Variants in KIAA1217 observed in about 807,000 individuals in gnomAD.
The protein encoded by KIAA1217 is sickle tail protein homolog.
In KIAA1217, 88 loss-of-function variants were observed where a neutral mutation model predicts 163.9. The observed-to-expected ratio is 0.54, with a 90% CI of 0.45 to 0.64. The LOEUF (loss-of-function observed/expected upper bound fraction) is 0.64. Among genes scored for constraint, KIAA1217 ranks in the 30% least tolerant of loss-of-function variants. The probability of loss-of-function intolerance (pLI) is 0.00; values close to 1 mark genes in which losing one functional copy is unlikely to be tolerated. For synonymous variants in KIAA1217, 903 were observed against 923.1 expected (o/e 0.98, Z 0.39); for missense variants, 2,372 against 2,475.0 (o/e 0.96, Z 0.88).
At chr10:24,409,550 A>G (rs528964268) in intron 3 of KIAA1217, among the ~76,000 whole-genome samples, 5 of 152,242 alleles carry the variant, frequency 3.3e-5, no homozygotes, top group Non-Finnish European at 7.3e-5. Flanking sequence ...ATATCCATAT[A>G]TCAAAACTTA....
At chr10:23,874,407 T>G (rs1265096018) in intron 1 of KIAA1217, among the ~76,000 whole-genome samples, 1 of 152,070 alleles carries the variant, frequency 6.6e-6, no homozygotes, top group African/African-American at 2.4e-5. Flanking sequence ...GAATGCTGGC[T>G]CTGCAACTAG....
chr10:24,141,061 T>G (rs1371326202), intron 2 of KIAA1217, among the ~76,000 whole-genome samples: 1 of 152,162 alleles, frequency 6.6e-6, no homozygotes, highest in Admixed American at 6.5e-5. Flanking sequence ...AGACTACAAT[T>G]CAAACTACCA....
chr10:24,088,532 G>A (rs1343420792), intron 2 of KIAA1217, among the ~76,000 whole-genome samples: 1 of 109,392 alleles, frequency 9.1e-6, no homozygotes, highest in Admixed American at 9.9e-5. Flanking sequence ...ACCTATGACT[G>A]AGAACATGCG....
At chr10:24,167,672 T>C (rs1478379713) in intron 2 of KIAA1217, among the ~76,000 whole-genome samples, 1 of 152,174 alleles carries the variant, frequency 6.6e-6, no homozygotes, top group African/African-American at 2.4e-5. Context: ...CAAAACTCTT[T>C]CCTCACTGAC....
chr10:24,193,113 C>T (rs1047443293), intron 2 of KIAA1217, among the ~76,000 whole-genome samples: 1 of 152,114 alleles, frequency 6.6e-6, no homozygotes, highest in Non-Finnish European at 1.5e-5. Context: ...GAGACGGGGT[C>T]TTGCTATGTT....
chr10:23,789,059 T>C (rs1369240096), intron 1 of KIAA1217, among the ~76,000 whole-genome samples: 1 of 152,236 alleles, frequency 6.6e-6, no homozygotes, highest in African/African-American at 2.4e-5. Flanking sequence ...TAATTCTTAA[T>C]AAAATTTGAG....
intron 1 of KIAA1217, among the ~76,000 whole-genome samples, chr10:23,924,263 C>T (rs4399236): frequency 6.6e-6 from 1 of 150,634 alleles, no homozygotes; most frequent in East Asian, 1.9e-4. Context: ...AGATAACTGT[C>T]TTTACTTTTT....
intron 2 of KIAA1217, among the ~76,000 whole-genome samples, chr10:24,331,483 G>T (rs2045661500): frequency 6.6e-6 from 1 of 152,218 alleles, no homozygotes; most frequent in Non-Finnish European, 1.5e-5. Flanking sequence ...GAAGTCACAA[G>T]AATCTAGCAG....
chr10:24,099,463 C>T (rs1185666510), intron 2 of KIAA1217, among the ~76,000 whole-genome samples: 1 of 150,068 alleles, frequency 6.7e-6, no homozygotes, highest in Non-Finnish European at 1.5e-5. Flanking sequence ...TGATAGTTTG[C>T]TCAGAATGAT....
chr10:24,085,437 G>T lies in KIAA1217; in HGVS notation c.-171+78063G>T, dbSNP rs147456338. ...TTCAGGAGATGTGAAACCCAGTCAA[G>T]ACCATTTGTCTTGCCTTCTGGTCTT... is the stretch of plus-strand genomic sequence containing the variant. On this transcript the variant is annotated intron_variant, in intron 2 of 18. Transcript: ENST00000376462. Among the ~76,000 whole-genome samples, 30 of 152,218 alleles carry T rather than the reference G, an allele frequency of 2.0e-4. 1 individual carries two copies. In the South Asian group the frequency reaches 5.8e-3, roughly 29 times the overall value.
intron 1 of KIAA1217, among the ~76,000 whole-genome samples, chr10:23,808,774 G>T: frequency 6.6e-6 from 1 of 152,078 alleles, no homozygotes; most frequent in Non-Finnish European, 1.5e-5. Flanking sequence ...AGTGAAAATG[G>T]TGAGAATATT....
At chr10:24,284,052 G>C (rs1488339673) in intron 2 of KIAA1217, among the ~76,000 whole-genome samples, 1 of 151,976 alleles carries the variant, frequency 6.6e-6, no homozygotes, top group Non-Finnish European at 1.5e-5. Context: ...AGGAACTATA[G>C]GCACAGGTGA....
At chr10:23,757,925 C>G (rs980255342) in intron 1 of KIAA1217, among the ~76,000 whole-genome samples, 1 of 152,166 alleles carries the variant, frequency 6.6e-6, no homozygotes, top group Non-Finnish European at 1.5e-5. Flanking sequence ...TATTGCGTTT[C>G]AGAAGTCTTC....
chr10:23,904,627 C>A (rs1185615661), intron 1 of KIAA1217, among the ~76,000 whole-genome samples: 1 of 152,096 alleles, frequency 6.6e-6, no homozygotes, highest in Non-Finnish European at 1.5e-5. Context: ...TTCTTGAGTA[C>A]TTCCACCTGG....
chr10:24,474,525 A>G (rs537230877), intron 6 of KIAA1217, among the ~76,000 whole-genome samples: 55 of 152,294 alleles, frequency 3.6e-4, no homozygotes, highest in African/African-American at 1.2e-3. Flanking sequence ...TTGTTTTCTC[A>G]TCTGGTTGTG....
rs575501554 is a variant in KIAA1217 at position 24,240,684 on chromosome 10, G to A, written c.354+20775G>A. Among the ~76,000 whole-genome samples, 27 of 152,206 alleles carry A rather than the reference G, an allele frequency of 1.8e-4. No individual in the cohort carries two copies. In the South Asian group the frequency reaches 5.6e-3, roughly 32 times the overall value. On this transcript the variant is annotated intron_variant, in intron 2 of 20. Coordinates refer to ENST00000376454, the MANE Select transcript of KIAA1217 (RefSeq NM_019590.5). ...TGCCAGTAGCTAGCTGTGTTGTGAG[G>A]ATTAAATAACAAAACAGACGTAGCA... is the stretch of plus-strand genomic sequence containing the variant.
chr10:24,310,357 G>A (rs1355796663), intron 2 of KIAA1217, among the ~76,000 whole-genome samples: 1 of 152,166 alleles, frequency 6.6e-6, no homozygotes. Context: ...CGAAGCTGGT[G>A]GAGTAACATG....
intron 2 of KIAA1217, among the ~76,000 whole-genome samples, chr10:24,126,162 G>A (rs2063466113): frequency 6.6e-6 from 1 of 151,996 alleles, no homozygotes; most frequent in South Asian, 2.1e-4. Flanking sequence ...TAAACGTGTT[G>A]AATTTTTTGT....
chr10:23,957,693 G>C (rs1844631106), intron 1 of KIAA1217, among the ~76,000 whole-genome samples: 1 of 152,152 alleles, frequency 6.6e-6, no homozygotes, highest in African/African-American at 2.4e-5. Flanking sequence ...CTGCACTCCA[G>C]TCTGGGTAAC....
Sources: allele counts gnomAD v4.1 joint callset (sites outside exome capture counted in the v4.1 genomes callset), GRCh38; gene constraint gnomAD v4.1.1; transcripts MANE v1.5; gene names NCBI Gene and HGNC (gene_info 2026-07-23, HGNC 2026-07-21).